Variants in TRPM3 observed in about 807,000 individuals in gnomAD.
TRPM3 encodes long transient receptor potential channel 3.
In TRPM3, 77 loss-of-function variants were observed where a neutral mutation model predicts 181.2. The ratio of observed to expected loss-of-function variants is 0.42; its 90% CI spans 0.35 to 0.51. The LOEUF is 0.51. TRPM3 is among the 20% of genes least tolerant of loss of function. The pLI, the probability that TRPM3 is intolerant of heterozygous loss-of-function variation, is 0.01. For synonymous variants in TRPM3, 745 were observed against 796.4 expected (o/e 0.94, Z 1.09); for missense variants, 1,759 against 2,196.7 (o/e 0.80, Z 3.98).
intron 1 of TRPM3, among the ~76,000 whole-genome samples, chr9:70,865,171 C>G (rs1174286999): frequency 1.3e-5 from 2 of 152,000 alleles, no homozygotes; most frequent in Non-Finnish European, 2.9e-5. Context: ...CCCACACGCC[C>G]TTCAGCAGAG....
At chr9:70,844,952 G>C (rs188498833) in intron 4 of TRPM3, among the ~76,000 whole-genome samples, 1 of 152,224 alleles carries the variant, frequency 6.6e-6, no homozygotes, top group Admixed American at 6.5e-5. Context: ...CCCAAAACCT[G>C]AACAGTCATT....
At chr9:70,696,392 C>G (rs1321116557) in intron 8 of TRPM3, among the ~76,000 whole-genome samples, 1 of 152,226 alleles carries the variant, frequency 6.6e-6, no homozygotes, top group Admixed American at 6.5e-5. Flanking sequence ...CATCCTCAGT[C>G]TTACCAGTAA....
At chr9:71,199,242 A>G (rs1006532781) in intron 1 of TRPM3, among the ~76,000 whole-genome samples, 9 of 151,548 alleles carry the variant, frequency 5.9e-5, no homozygotes, top group African/African-American at 1.9e-4. Context: ...CATGGTGGAT[A>G]AGCTTTTTGA....
At chr9:71,438,785 T>C (rs1168108794) in intron 1 of TRPM3, among the ~76,000 whole-genome samples, 1 of 152,074 alleles carries the variant, frequency 6.6e-6, no homozygotes, top group Non-Finnish European at 1.5e-5. Context: ...AAATAGAAAA[T>C]AGGGATATAG....
intron 3 of TRPM3, among the ~76,000 whole-genome samples, chr9:70,861,264 C>T (rs571502797): frequency 2.4e-4 from 36 of 152,168 alleles, no homozygotes; most frequent in African/African-American, 7.9e-4. Flanking sequence ...TATAAATTGT[C>T]GGGAATCACT....
intron 22 of TRPM3, among the ~76,000 whole-genome samples, chr9:70,571,064 G>A (rs987230674): frequency 5.9e-5 from 9 of 152,110 alleles, no homozygotes; most frequent in African/African-American, 1.2e-4. Context: ...ATGGAAGCCC[G>A]TAGCATCTGT....
chr9:71,126,796 C>T (rs1009064925), intron 1 of TRPM3, among the ~76,000 whole-genome samples: 1 of 152,080 alleles, frequency 6.6e-6, no homozygotes, highest in Non-Finnish European at 1.5e-5. Context: ...TGCTGTCCAC[C>T]CTCTGCACAA....
chr9:71,392,725 C>T (rs2093091700), intron 1 of TRPM3, among the ~76,000 whole-genome samples: 1 of 152,044 alleles, frequency 6.6e-6, no homozygotes, highest in Non-Finnish European at 1.5e-5. Flanking sequence ...CTATGTGCAC[C>T]TCAGTTTTCC....
intron 1 of TRPM3, among the ~76,000 whole-genome samples, chr9:71,282,266 AAG>A (rs796456687): frequency 0.037 from 2,292 of 61,376 alleles, 2 homozygotes; most frequent in Middle Eastern, 0.14. Context: ...AAAGGAAAGA[AAG>A]AGAGAAAGAA....
chr9:71,039,593 C>T (rs2058598354), intron 1 of TRPM3, among the ~76,000 whole-genome samples: 1 of 152,120 alleles, frequency 6.6e-6, no homozygotes, highest in Admixed American at 6.6e-5. Flanking sequence ...AGCCCTTGGG[C>T]CATCAACATG....
At chr9:71,369,613 C>T (rs1418261131) in intron 1 of TRPM3, among the ~76,000 whole-genome samples, 3 of 152,144 alleles carry the variant, frequency 2.0e-5, no homozygotes, top group Admixed American at 2.0e-4. Context: ...AAGCGATTCT[C>T]CTGGGCATGG....
At chr9:70,684,901 G>A (rs1321615538) in intron 8 of TRPM3, among the ~76,000 whole-genome samples, 7 of 152,146 alleles carry the variant, frequency 4.6e-5, no homozygotes, top group African/African-American at 1.2e-4. Context: ...AGTTGGGAAC[G>A]TTTTCCCCTT....
At chr9:71,137,527 A>G (rs866195226) in intron 1 of TRPM3, among the ~76,000 whole-genome samples, 2 of 152,200 alleles carry the variant, frequency 1.3e-5, no homozygotes, top group Non-Finnish European at 2.9e-5. Context: ...AATTGTGTCA[A>G]CATAAACTCT....
intron 1 of TRPM3, among the ~76,000 whole-genome samples, chr9:71,287,072 T>A (rs2132242685): frequency 7.0e-6 from 1 of 141,882 alleles, no homozygotes; most frequent in African/African-American, 2.6e-5. Flanking sequence ...AATTTATATA[T>A]TATATATAAA....
chr9:70,629,218 G>GGGGGGGT (rs2065279726), intron 12 of TRPM3, among the ~76,000 whole-genome samples: 1 of 59,844 alleles, frequency 1.7e-5, no homozygotes, highest in South Asian at 9.1e-4. Context: ...CCAGTGCCGG[G>GGGGGGGT]GGGGGGGGGG....
chr9:70,537,220 G>A lies in TRPM3; in HGVS notation c.3893C>T (p.Ser1298Leu), dbSNP rs762741286. The change falls in exon 26 of 26, where the codon TCG becomes TTG. Residue 1298 changes from serine (S) to leucine (L), a missense_variant. Coordinates refer to ENST00000677713, the MANE Select transcript of TRPM3 (RefSeq NM_001366145.2). ...AESNKIRSRT[S>L]SDCTDAAYIV... ...GTAGGCGGCGTCCGTGCAGTCTGACGAGGTCCTCGAGCGGATTTTGTTGGA... is the reference window on the plus strand; with the variant it reads ...GTAGGCGGCGTCCGTGCAGTCTGACAAGGTCCTCGAGCGGATTTTGTTGGA... 1.0e-5 allele frequency: 16 copies of A among 1,597,234 alleles called. No homozygotes were observed. The highest frequency in any genetic ancestry group is 2.2e-5 in the South Asian group (2 of 89,990).
intron 5 of TRPM3, among the ~76,000 whole-genome samples, chr9:70,840,316 G>T (rs957943008): frequency 2.6e-5 from 4 of 152,104 alleles, no homozygotes; most frequent in African/African-American, 9.7e-5. Flanking sequence ...CCCTGTGAAA[G>T]ATTTATGGAA....
intron 1 of TRPM3, among the ~76,000 whole-genome samples, chr9:71,330,651 T>C (rs1197491213): frequency 6.6e-6 from 1 of 151,876 alleles, no homozygotes; most frequent in Non-Finnish European, 1.5e-5. Flanking sequence ...CTGGGTATAT[T>C]AAAAACTTAG....
chr9:71,014,413 T>C (rs1438539410), intron 1 of TRPM3, among the ~76,000 whole-genome samples: 1 of 152,170 alleles, frequency 6.6e-6, no homozygotes, highest in African/African-American at 2.4e-5. Flanking sequence ...CCTTGTTATA[T>C]AGAACTTTTA....
Sources: allele counts gnomAD v4.1 joint callset (sites outside exome capture counted in the v4.1 genomes callset), GRCh38; gene constraint gnomAD v4.1.1; transcripts MANE v1.5; gene names NCBI Gene and HGNC (gene_info 2026-07-23, HGNC 2026-07-21).